The following SIX4 variants were observed in gnomAD, a reference collection of about 807,000 sequenced individuals.
SIX4 encodes the protein homeobox protein SIX4.
Under a neutral mutation model 51.5 loss-of-function variants are expected in SIX4, and 23 were observed. The observed-to-expected ratio is 0.45, with a 90% CI of 0.32 to 0.63. SIX4 has a LOEUF of 0.63. Ranked by LOEUF, SIX4 falls within the 30% of genes least tolerant of loss-of-function variation. SIX4 has a pLI of 0.04. For synonymous variants in SIX4, 413 were observed against 417.3 expected (o/e 0.99, Z 0.13); for missense variants, 867 against 984.0 (o/e 0.88, Z 1.59).
rs1266272680 is a variant in SIX4 at position 60,720,874 on chromosome 14, A to G, written c.864-429T>C. On this transcript the variant is annotated intron_variant, in intron 1 of 2. Transcript: ENST00000216513. This position sits in a 1 kb window ranked among gnomAD's most constrained non-coding sequence, Gnocchi z 5.5. ...TTCCCCTCCCCTCAAACCAATTCAG[A>G]TTAGTGTTATCTTGGAGGTAAATGA... The G allele has an allele frequency of 1.3e-6, 1 of 799,620 alleles. No homozygotes were observed. The highest frequency in any genetic ancestry group is 1.5e-6 in the Non-Finnish European group (1 of 657,556). 49.5% of individuals were successfully genotyped at this position (799,620 alleles called of 1,614,324 possible).
In SIX4 at chr14:60,719,096, A is replaced by G. The variant is rs557253218; in HGVS notation, c.1549+664T>C. 2.6e-5 allele frequency among the ~76,000 whole-genome samples: 4 copies of G among 152,328 alleles called. 1 individual carries two copies. In the South Asian group the frequency reaches 8.3e-4, roughly 32 times the overall value. On this transcript the variant is annotated intron_variant, in intron 2 of 2. Coordinates refer to ENST00000216513, the MANE Select transcript of SIX4 (RefSeq NM_017420.5). The surrounding 1 kb of genome is among the most constrained non-coding windows in gnomAD (Gnocchi z 4.9). Reference sequence around the variant, plus strand: ...CCTCAGTTTTCCTGAATTTCATTTAAGTGCTTTCTCTGGAAGATTGCTGTT... The same window carrying G: ...CCTCAGTTTTCCTGAATTTCATTTAGGTGCTTTCTCTGGAAGATTGCTGTT...
At chr14:60,716,380 G>A (rs1002660599) in intron 2 of SIX4, among the ~76,000 whole-genome samples, 1 of 151,930 alleles carries the variant, frequency 6.6e-6, no homozygotes, top group African/African-American at 2.4e-5. Flanking sequence ...AGCCTCCTGA[G>A]TAGCTGGGAT....
At position 60,720,684 on chromosome 14, in the gene SIX4, GA is replaced by G. The variant is rs1184256443; in HGVS notation, c.864-240del. ...CATTTAAAATAACAATAAATTCAGGGAAAGTCCAGACATCTGCAAGATGTAA... is the reference window on the plus strand; with the variant it reads ...CATTTAAAATAACAATAAATTCAGGGAAGTCCAGACATCTGCAAGATGTAA... On this transcript the variant is annotated intron_variant, in intron 1 of 2. Coordinates refer to ENST00000216513, the MANE Select transcript of SIX4 (RefSeq NM_017420.5). The surrounding 1 kb of genome is among the most constrained non-coding windows in gnomAD (Gnocchi z 5.5). Among the ~76,000 whole-genome samples, 6 of 152,156 alleles carry G rather than the reference GA, an allele frequency of 3.9e-5. No homozygotes were observed. Among genetic ancestry groups the G allele is most frequent in the Admixed American group, 1.3e-4 (2 of 15,286 alleles).
chr14:60,724,122 CCT>C lies in SIX4; in HGVS notation c.-50_-49del, dbSNP rs750698347. On this transcript the variant is annotated 5_prime_UTR_variant, in exon 1 of 3. Transcript: ENST00000216513. ...CTCCCTCACTCCCTCGCACTCTTTTCCTCTTTCTTTCCTCCTCTCTTACTCCT... is the reference window on the plus strand; with the variant it reads ...CTCCCTCACTCCCTCGCACTCTTTTCCTTTCTTTCCTCCTCTCTTACTCCT... 5.6e-6 allele frequency: 9 copies of C among 1,599,742 alleles called. No homozygotes were observed. Among genetic ancestry groups the C allele is most frequent in the Non-Finnish European group, 6.8e-6 (8 of 1,172,318 alleles).
At position 60,723,839 on chromosome 14, in the gene SIX4, G is replaced by T; in HGVS notation, c.236C>A (p.Ala79Glu). ...EGAVAAAAAG[A>E]AADQVQLHSE... ...GTGGAGTTGTACCTGATCCGCCGCC[G>T]CTCCGGCCGCCGCCGCCGCCACTGC... The change falls in exon 1 of 3, where the codon GCG becomes GAG. Residue 79 changes from alanine (A) to glutamate (E), a missense_variant. Coordinates refer to ENST00000216513, the MANE Select transcript of SIX4 (RefSeq NM_017420.5). 2 of 1,522,378 alleles carry T rather than the reference G, an allele frequency of 1.3e-6. No individual in the cohort carries two copies. Among genetic ancestry groups the T allele is most frequent in the Non-Finnish European group, 1.7e-6 (2 of 1,146,478 alleles). The allele number at this position is 1,522,378 out of a possible 1,614,324, so 94.3% of individuals were successfully genotyped here.
At chr14:60,721,429 C>T (rs1896016957) in intron 1 of SIX4, among the ~76,000 whole-genome samples, 1 of 152,190 alleles carries the variant, frequency 6.6e-6, no homozygotes, top group African/African-American at 2.4e-5. Flanking sequence ...GCGGTCGGTT[C>T]GCTTTCATGC....
intron 2 of SIX4, 92 bp from the exon 3 acceptor site, chr14:60,714,295 A>G: frequency 6.2e-6 from 7 of 1,126,456 alleles, no homozygotes; most frequent in Non-Finnish European, 8.5e-6. Context: ...TACAGTATCT[A>G]TAAAGAAGCA....
chr14:60,718,036 A>G, intron 2 of SIX4: 1 of 213,994 alleles, frequency 4.7e-6, no homozygotes, highest in Non-Finnish European at 9.3e-6. Context: ...AATAATAATA[A>G]TAATCTTAGT....
In SIX4 at chr14:60,711,338, A is replaced by G. The variant is rs1218969949; in HGVS notation, c.*2069T>C. On this transcript the variant is annotated 3_prime_UTR_variant, in exon 3 of 3. Coordinates refer to ENST00000216513, the MANE Select transcript of SIX4 (RefSeq NM_017420.5). ...AATGATGTAGTTCTTTATCAAAATG[A>G]TGGGAGAGGAATTCTTCATAGGGTT... The G allele has an allele frequency of 6.6e-6, 1 of 152,180 alleles. No individual in the cohort carries two copies. The highest frequency in any genetic ancestry group is 1.5e-5 in the Non-Finnish European group (1 of 68,018). 9.4% of individuals were successfully genotyped at this position (152,180 alleles called of 1,614,324 possible).
rs778910971 is a variant in SIX4, at chr14:60,720,424, G to A, written c.885C>T (p.Ser295=). The change falls in exon 2 of 3, where the codon AGC becomes AGT. Residue 295 remains serine (S), a synonymous_variant. Coordinates refer to ENST00000216513, the MANE Select transcript of SIX4 (RefSeq NM_017420.5). This position sits in a 1 kb window ranked among gnomAD's most constrained non-coding sequence, Gnocchi z 5.5. ...GTCCCTTGCTGGATTCATCTTCAGT[G>A]CTGGGGTTGCCATCTGACTCACTGT... ...QSKSESDGNP[S]TEDESSKGHE... is the part of the protein sequence containing the mutation. 6.2e-7 allele frequency: 1 copy of A among 1,613,354 alleles called. No homozygotes were observed. The highest frequency in any genetic ancestry group is 1.7e-5 in the Admixed American group (1 of 59,958).
At chr14:60,714,960 G>A (rs1363742342) in intron 2 of SIX4, among the ~76,000 whole-genome samples, 9 of 12,130 alleles carry the variant, frequency 7.4e-4, no homozygotes, top group East Asian at 6.4e-3. Flanking sequence ...CACAGCACCC[G>A]GGCCCTTTCT....
chr14:60,718,942 C>G (rs1224592722), intron 2 of SIX4, among the ~76,000 whole-genome samples: 1 of 152,162 alleles, frequency 6.6e-6, no homozygotes, highest in African/African-American at 2.4e-5. Context: ...GCATTAAGAT[C>G]TACCCTTCCT....
Position 60,717,161 on chromosome 14 carries a change from A to T in SIX4, c.1549+2599T>A. ...GTGATCTCGGCTCACTGCAACCTCC[A>T]CCTCCTGGGTTCAAGCGATTCTCCT... On this transcript the variant is annotated intron_variant, in intron 2 of 2. Transcript: ENST00000216513. The surrounding 1 kb of genome is among the most constrained non-coding windows in gnomAD (Gnocchi z 4.6). 4.4e-6 allele frequency: 1 copy of T among 225,806 alleles called. No individual in the cohort carries two copies. Among genetic ancestry groups the T allele is most frequent in the Non-Finnish European group, 8.7e-6 (1 of 114,874 alleles). The allele number at this position is 225,806 out of a possible 1,614,324, so 14.0% of individuals were successfully genotyped here. A position where few individuals can be genotyped will look rare whatever the true frequency, so the allele number is the denominator to read the frequency against.
rs776538776 is a variant in SIX4, at chr14:60,723,326, G to T, written c.749C>A (p.Pro250His). 2.5e-6 allele frequency: 4 copies of T among 1,612,958 alleles called. No homozygotes were observed. The Admixed American group carries it at 6.7e-5, about 27-fold the overall frequency. The change falls in exon 1 of 3, where the codon CCC (proline) becomes CAC (histidine). Residue 250 changes from proline to histidine, a missense_variant. Coordinates refer to ENST00000216513, the MANE Select transcript of SIX4 (RefSeq NM_017420.5). ...ELYKQNRYPS[P>H]AEKRHLAKIT... The stretch of plus-strand genomic sequence containing the variant: ...CTTGGCCAGGTGCCGCTTCTCGGCG[G>T]GCGAAGGGTAGCGATTCTGCTTGTA...
At chr14:60,721,825 G>A (rs560391506) in intron 1 of SIX4, among the ~76,000 whole-genome samples, 1 of 152,364 alleles carries the variant, frequency 6.6e-6, no homozygotes, top group Admixed American at 6.5e-5. Flanking sequence ...GCGCAGGGCA[G>A]GTGGCTCGGC....
rs1250543145 is a variant in SIX4 at position 60,710,408 on chromosome 14, T to G, written c.*2999A>C. 1 of 152,648 alleles carries G rather than the reference T, an allele frequency of 6.6e-6. No homozygotes were observed. The highest frequency in any genetic ancestry group is 2.4e-5 in the African/African-American group (1 of 41,462). The allele number at this position is 152,648 out of a possible 1,614,324, so 9.5% of individuals were successfully genotyped here. Reference sequence around the variant, plus strand: ...TGCTTGATTGAGGAACAAATGCACCTTCTCTTTAAACAATAGACTGTCCTT... The same window carrying G: ...TGCTTGATTGAGGAACAAATGCACCGTCTCTTTAAACAATAGACTGTCCTT... On this transcript the variant is annotated 3_prime_UTR_variant, in exon 3 of 3. Coordinates refer to ENST00000216513, the MANE Select transcript of SIX4 (RefSeq NM_017420.5).
In SIX4 at chr14:60,723,872, T is replaced by A. The variant is rs754730355; in HGVS notation, c.203A>T (p.Glu68Val). The A allele has an allele frequency of 4.5e-6, 7 of 1,544,440 alleles. No homozygotes were observed. Among genetic ancestry groups the A allele is most frequent in the Non-Finnish European group, 4.3e-6 (5 of 1,159,650 alleles). Residue 68 changes from glutamate (E) to valine (V), a missense_variant, in exon 1 of 3, where the codon GAG becomes GTG. Coordinates refer to ENST00000216513, the MANE Select transcript of SIX4 (RefSeq NM_017420.5). ...CGCCGCCGCCGCCACTGCCCCTTCC[T>A]CTCCGCTCACCCTGGCGGCAGCGGT... ...AATAAARVSG[E>V]EGAVAAAAAG...
chr14:60,724,008 C>G lies in SIX4; in HGVS notation c.67G>C (p.Glu23Gln). 1 of 1,520,068 alleles carries G rather than the reference C, an allele frequency of 6.6e-7. No homozygotes were observed. The highest frequency in any genetic ancestry group is 8.8e-7 in the Non-Finnish European group (1 of 1,136,334). 94.2% of individuals were successfully genotyped at this position (1,520,068 alleles called of 1,614,324 possible). A position where few individuals can be genotyped will look rare whatever the true frequency, so the allele number is the denominator to read the frequency against. The change falls in exon 1 of 3, where the codon GAA becomes CAA. Residue 23 changes from glutamate (E) to glutamine (Q), a missense_variant. Coordinates refer to ENST00000216513, the MANE Select transcript of SIX4 (RefSeq NM_017420.5). ...GCCTCCTGCCCTTCCGAGGCGCTTT[C>G]CATCCCATTCTCTTGCTTGATGTCC... The part of the protein sequence containing the change: ...AADIKQENGM[E>Q]SASEGQEAHR...
Position 60,719,451 on chromosome 14 carries a change from T to C in SIX4, c.1549+309A>G, listed in dbSNP as rs555702972. On this transcript the variant is annotated intron_variant, in intron 2 of 2. Transcript: ENST00000216513. The surrounding 1 kb of genome is among the most constrained non-coding windows in gnomAD (Gnocchi z 4.9). ...TTAAAATGCCAAGCAGTGAGTTATT[T>C]TGTAAGCACTGATTGACTTATCATA... Among the ~76,000 whole-genome samples the C allele has an allele frequency of 6.6e-4, 101 of 152,364 alleles. 1 individual carries two copies. Among genetic ancestry groups the C allele is most frequent in the Non-Finnish European group, 5.7e-4 (39 of 68,038 alleles).
Sources: allele counts gnomAD v4.1 joint callset (sites outside exome capture counted in the v4.1 genomes callset), GRCh38; gene constraint gnomAD v4.1.1; non-coding constraint Gnocchi (gnomAD v3.1); transcripts MANE v1.5; gene names NCBI Gene and HGNC (gene_info 2026-07-23, HGNC 2026-07-21).